The following KCNT1 variants were observed in gnomAD, a reference collection of about 807,000 sequenced individuals.
KCNT1 encodes potassium sodium-activated channel subfamily T member 1.
A neutral mutation model predicts 147.8 loss-of-function variants in KCNT1; 78 were observed. The ratio of observed to expected loss-of-function variants is 0.53; its 90% CI spans 0.44 to 0.64. KCNT1 has a LOEUF of 0.64. Ranked by LOEUF, KCNT1 falls within the 30% of genes least tolerant of loss-of-function variation. KCNT1 has a pLI of 0.00. For missense variants in KCNT1, 1,419 were observed against 1,750.3 expected (o/e 0.81, Z 3.38); for synonymous variants, 867 against 748.8 (o/e 1.16, Z -2.58).
intron 1 of KCNT1, among the ~76,000 whole-genome samples, chr9:135,710,298 A>G (rs761574115): frequency 4.6e-5 from 7 of 152,044 alleles, no homozygotes; most frequent in Non-Finnish European, 7.4e-5. Flanking sequence ...ATTTTATCCA[A>G]CAGAAGACAC....
chr9:135,759,866 C>T lies in KCNT1; in HGVS notation c.1035+7C>T, dbSNP rs1564356664. ...CGTGGTGCTCCCACTGCAGGTGGGT[C>T]CTCTGGGCACCAGCCCTGGGTGGCA... On this transcript the variant is annotated splice_region_variant and intron_variant, in intron 11 of 30. Transcript: ENST00000371757. 2.5e-6 allele frequency: 4 copies of T among 1,592,528 alleles called. No homozygotes were observed. The highest frequency in any genetic ancestry group is 2.6e-6 in the Non-Finnish European group (3 of 1,168,296).
chr9:135,792,239 G>A lies in KCNT1; in HGVS notation c.*78G>A. The A allele has an allele frequency of 1.3e-6, 2 of 1,502,126 alleles. No individual in the cohort carries two copies. The highest frequency in any genetic ancestry group is 1.2e-5 in the South Asian group (1 of 80,474). The allele number at this position is 1,502,126 out of a possible 1,614,324, so 93.0% of individuals were successfully genotyped here. A position where few individuals can be genotyped will look rare whatever the true frequency, so the allele number is the denominator to read the frequency against. On this transcript the variant is annotated 3_prime_UTR_variant, in exon 31 of 31. Coordinates refer to ENST00000371757, the MANE Select transcript of KCNT1 (RefSeq NM_020822.3). The stretch of plus-strand genomic sequence containing the variant: ...GTGGAGGAGCGTGTGAGGACACGGT[G>A]GCACTAGCGTGACCCTGGGGATGGC...
chr9:135,769,322 G>A (rs1219300750), intron 15 of KCNT1, among the ~76,000 whole-genome samples: 2 of 151,292 alleles, frequency 1.3e-5, no homozygotes, highest in African/African-American at 2.5e-5. Context: ...CGTGGGTGAC[G>A]GTGTGTCTGG....
At chr9:135,767,484 G>A (rs980869324) in intron 13 of KCNT1, among the ~76,000 whole-genome samples, 10 of 152,140 alleles carry the variant, frequency 6.6e-5, no homozygotes, top group Non-Finnish European at 1.5e-4. Flanking sequence ...AGGAGGCGCT[G>A]GAAGTGACCA....
At chr9:135,755,053 G>A in intron 5 of KCNT1, 68 bp from the exon 6 acceptor site, 1 of 1,460,350 alleles carries the variant, frequency 6.8e-7, no homozygotes, top group South Asian at 1.3e-5. Context: ...TATGGCCCCA[G>A]CCCCAGGGTG....
intron 29 of KCNT1, among the ~76,000 whole-genome samples, chr9:135,786,978 GCCAGGCCTGCTGGACAGCGGATAC>G (rs1229811200): frequency 3.9e-5 from 6 of 152,240 alleles, no homozygotes; most frequent in Non-Finnish European, 8.8e-5. Context: ...GCCAGCTGCA[GCCAGGCCTGCTGGACAGCGGATAC>G]CCAGGGTCCC....
chr9:135,742,701 A>G (rs878973901), intron 2 of KCNT1: 9 of 716,102 alleles, frequency 1.3e-5, no homozygotes, highest in African/African-American at 7.0e-5. Context: ...CCGTCCGTCT[A>G]TCTGTCTGCT....
intron 2 of KCNT1, among the ~76,000 whole-genome samples, chr9:135,735,140 CT>C (rs373448579): frequency 3.9e-5 from 6 of 152,204 alleles, no homozygotes; most frequent in African/African-American, 1.4e-4. Flanking sequence ...GCGCTCTCCC[CT>C]GGGGTAGACC....
At chr9:135,781,771 A>G (rs1292130911) in intron 24 of KCNT1, among the ~76,000 whole-genome samples, 1 of 152,192 alleles carries the variant, frequency 6.6e-6, no homozygotes, top group Non-Finnish European at 1.5e-5. Flanking sequence ...GGAGGTGGAG[A>G]TGGCATACAC....
intron 2 of KCNT1, among the ~76,000 whole-genome samples, chr9:135,746,820 G>T (rs914173748): frequency 6.6e-6 from 1 of 151,956 alleles, no homozygotes; most frequent in Non-Finnish European, 1.5e-5. Context: ...AGGAGGAGTG[G>T]CCAGGCAGGA....
At chr9:135,785,526 CTGG>C (rs1833975977) in intron 28 of KCNT1, 196 bp downstream of exon 28, 1 of 717,252 alleles carries the variant, frequency 1.4e-6, no homozygotes, top group African/African-American at 1.7e-5. Context: ...CCCTCCTGCA[CTGG>C]TGGTGGGGAA....
chr9:135,711,847 C>G (rs1835505908), intron 1 of KCNT1, among the ~76,000 whole-genome samples: 1 of 152,226 alleles, frequency 6.6e-6, no homozygotes, highest in Admixed American at 6.5e-5. Context: ...CTGCTGGCCA[C>G]GCTACACCTG....
At chr9:135,785,606 C>A in intron 28 of KCNT1, 1 of 598,260 alleles carries the variant, frequency 1.7e-6, no homozygotes, top group Non-Finnish European at 3.0e-6. Flanking sequence ...CTCCCAGGCC[C>A]CACCAAGGCA....
intron 2 of KCNT1, among the ~76,000 whole-genome samples, chr9:135,738,796 C>T (rs865817750): frequency 2.6e-5 from 4 of 152,316 alleles, no homozygotes; most frequent in African/African-American, 7.2e-5. Context: ...AGTCCAGCTC[C>T]CCTGACCCTG....
chr9:135,725,268 C>A (rs977309613), intron 2 of KCNT1, among the ~76,000 whole-genome samples: 1 of 152,186 alleles, frequency 6.6e-6, no homozygotes, highest in Non-Finnish European at 1.5e-5. Context: ...TCGAAAGATT[C>A]CTGTCCTCCC....
intron 4 of KCNT1, among the ~76,000 whole-genome samples, chr9:135,751,459 C>G (rs1218529087): frequency 6.6e-6 from 1 of 152,102 alleles, no homozygotes; most frequent in Non-Finnish European, 1.5e-5. Context: ...CCTCCTGGGT[C>G]CCAAGGAGTC....
chr9:135,716,589 A>T (rs1354278064), intron 2 of KCNT1, among the ~76,000 whole-genome samples: 1 of 152,080 alleles, frequency 6.6e-6, no homozygotes, highest in Non-Finnish European at 1.5e-5. Context: ...ACTGGGACTC[A>T]CTCCCCAATG....
intron 2 of KCNT1, among the ~76,000 whole-genome samples, chr9:135,746,989 G>A (rs370642350): frequency 5.3e-4 from 80 of 152,200 alleles, no homozygotes; most frequent in East Asian, 1.9e-3. Flanking sequence ...ATTCTGCCTC[G>A]GGGAGGGGGA....
intron 2 of KCNT1, among the ~76,000 whole-genome samples, chr9:135,717,126 G>GTGGTGT (rs1250021561): frequency 6.7e-6 from 1 of 149,956 alleles, no homozygotes; most frequent in African/African-American, 2.5e-5. Flanking sequence ...ACCTGGCCCT[G>GTGGTGT]TGGTGTTGGT....
Sources: gnomAD v4.1 joint callset for allele counts (sites outside exome capture counted in the v4.1 genomes callset) on GRCh38, gnomAD v4.1.1 for gene constraint, MANE v1.5 for transcripts, NCBI Gene and HGNC (gene_info 2026-07-23, HGNC 2026-07-21) for gene names.